The following DNTTIP2 variants were observed in gnomAD, a reference collection of about 807,000 sequenced individuals.
DNTTIP2 encodes deoxynucleotidyltransferase terminal interacting protein 2.
A neutral mutation model predicts 62.4 loss-of-function variants in DNTTIP2; 47 were observed. The ratio of observed to expected loss-of-function variants is 0.75; its 90% confidence interval spans 0.60 to 0.96. DNTTIP2 has a LOEUF of 0.96. Among genes scored for constraint, DNTTIP2 ranks in the 40% least tolerant of loss-of-function variants. The pLI is 0.00. For missense variants in DNTTIP2, 870 were observed against 849.1 expected, an observed-to-expected ratio of 1.02 and a Z score of -0.31; for synonymous variants, 322 against 300.9, an observed-to-expected ratio of 1.07 and a Z score of -0.73.
chr1:93,873,426 T>TA (rs576358369), intron 3 of DNTTIP2: 3,492 of 212,962 alleles, frequency 0.016, 1 homozygote, highest in South Asian at 0.037. Context: ...ACCCTGACTG[T>TA]AAAAAAAAAA....
At chr1:93,872,903 C>A (rs1229320681) in intron 4 of DNTTIP2, among the ~76,000 whole-genome samples, 1 of 151,740 alleles carries the variant, frequency 6.6e-6, no homozygotes, top group African/African-American at 2.4e-5. Context: ...TAAAAAACCT[C>A]TACTTATAGA....
rs148048634 is a variant in DNTTIP2, at chr1:93,866,705, A to C, written c.*3146T>G. ...CAAAAAAGACATTTTCCCAGGTTTC[A>C]GAAGAGGAATATTGGTGTTTCTCTA... On this transcript the variant is annotated 3_prime_UTR_variant, in exon 7 of 7. Transcript: ENST00000436063. 4 of 152,344 alleles carry C rather than the reference A, an allele frequency of 2.6e-5. No individual in the cohort carries two copies. The East Asian group carries it at 5.8e-4, about 22-fold the overall frequency. The allele number at this position is 152,344 out of a possible 1,614,324, so 9.4% of individuals were successfully genotyped here.
Position 93,872,146 on chromosome 1 carries a change from T to C in DNTTIP2, c.1993A>G (p.Lys665Glu), listed in dbSNP as rs200778406. Residue 665 changes from lysine (K) to glutamate (E), a missense_variant, in exon 5 of 7, where the codon AAG (lysine) becomes GAG (glutamate). Transcript: ENST00000436063. ...TTCGGGTCCATGCTGGCTCTCATCT[T>C]CAGTGCTTTGAGATCATTTTTCAGT... ...NELKNDLKAL[K>E]MRASMDPKRF... is the part of the protein sequence containing the mutation. 5.0e-6 allele frequency: 8 copies of C among 1,613,916 alleles called. No homozygotes were observed. In the East Asian group the frequency reaches 1.8e-4, roughly 36 times the overall value.
intron 1 of DNTTIP2, 122 bp downstream of exon 1, chr1:93,878,955 G>T: frequency 7.7e-7 from 1 of 1,306,660 alleles, no homozygotes; most frequent in Non-Finnish European, 1.0e-6. Flanking sequence ...ACCCAAGCGC[G>T]CGGCAAGCTC....
intron 5 of DNTTIP2, 23 bp downstream of exon 5, chr1:93,872,046 TCAC>T: frequency 6.2e-7 from 1 of 1,609,840 alleles, no homozygotes; most frequent in Non-Finnish European, 8.5e-7. Flanking sequence ...TCACAGATCA[TCAC>T]CACTATTCTG....
chr1:93,869,891 G>A lies in DNTTIP2; in HGVS notation c.2231C>T (p.Ala744Val), dbSNP rs773513981. 1.3e-6 allele frequency: 1 copy of A among 780,118 alleles called. No individual in the cohort carries two copies. The highest frequency in any genetic ancestry group is 2.4e-5 in the East Asian group (1 of 41,194). 48.3% of individuals were successfully genotyped at this position (780,118 alleles called of 1,614,324 possible). A position where few individuals can be genotyped will look rare whatever the true frequency, so the allele number is the denominator to read the frequency against. Residue 744 changes from alanine (A) to valine (V), a missense_variant, in exon 7 of 7, where the codon GCA becomes GTA. By Grantham distance (64) the Ala-to-Val change is moderately conservative. Transcript: ENST00000436063. ...CTTCTTCTTTCGGAACTTTTTTCCT[G>A]CTGCATTTGCTGCTTTTTCAGCCAT... ...EIMAEKAANA[A>V]GKKFRKKKKF...
At chr1:93,871,828 G>A (rs774186515) in intron 5 of DNTTIP2, among the ~76,000 whole-genome samples, 1 of 152,168 alleles carries the variant, frequency 6.6e-6, no homozygotes, top group Non-Finnish European at 1.5e-5. Context: ...AACTTTATAG[G>A]TTCAACAGGT....
chr1:93,876,639 G>A lies in DNTTIP2; in HGVS notation c.1296C>T (p.Asn432=). 1.2e-6 allele frequency: 2 copies of A among 1,613,984 alleles called. No individual in the cohort carries two copies. The highest frequency in any genetic ancestry group is 2.7e-5 in the African/African-American group (2 of 75,032). Residue 432 remains asparagine, a synonymous_variant, in exon 2 of 7, where the codon AAC becomes AAT. Transcript: ENST00000436063. ...CAGAATTATCTTTACCCTGAGATGT[G>A]TTGGGCGCAGACGTGTATAGTTTGG... ...CDTKLYTSAP[N]TSQGKDNSVL... is the part of the protein sequence containing the mutation.
At position 93,869,816 on chromosome 1, in the gene DNTTIP2, A is replaced by G. The variant is rs765933006; in HGVS notation, c.*35T>C. The G allele has an allele frequency of 1.3e-6, 1 of 773,524 alleles. No homozygotes were observed. Among genetic ancestry groups the G allele is most frequent in the Non-Finnish European group, 2.4e-6 (1 of 414,240 alleles). 47.9% of individuals were successfully genotyped at this position (773,524 alleles called of 1,614,324 possible). ...AACGTCTTTAATAAGTAAATAAAGG[A>G]GCAATGTAAAATGTTGCAGTTTGCT... On this transcript the variant is annotated 3_prime_UTR_variant, in exon 7 of 7. Transcript: ENST00000436063.
intron 3 of DNTTIP2, among the ~76,000 whole-genome samples, chr1:93,874,256 A>C (rs1257627722): frequency 6.6e-6 from 1 of 152,194 alleles, no homozygotes; most frequent in East Asian, 1.9e-4. Context: ...AATGCTACTG[A>C]CATCTAGTGG....
rs770387727 is a variant in DNTTIP2, at chr1:93,870,781, A to G, written c.2079T>C (p.Ile693=). The change falls in exon 6 of 7, where the codon ATT becomes ATC. Residue 693 remains isoleucine (I), a synonymous_variant. Transcript: ENST00000436063. The part of the protein sequence containing the change: ...GFPKYFQIGT[I]VDNPADFYHS... The stretch of plus-strand genomic sequence containing the variant: ...GGTAGAAATCAGCTGGATTGTCAAC[A>G]ATGGTTCCAATCTGTGAACAATTGA... 6.5e-7 allele frequency: 1 copy of G among 1,550,280 alleles called. No homozygotes were observed. The highest frequency in any genetic ancestry group is 1.2e-5 in the South Asian group (1 of 82,098).
Position 93,872,254 on chromosome 1 carries a change from A to G in DNTTIP2, c.1903-18T>C, listed in dbSNP as rs747634628. 8 of 1,611,290 alleles carry G rather than the reference A, an allele frequency of 5.0e-6. No homozygotes were observed. The highest frequency in any genetic ancestry group is 5.9e-6 in the Non-Finnish European group (7 of 1,178,700). On this transcript the variant is annotated intron_variant, in intron 4 of 6. Coordinates refer to ENST00000436063, the MANE Select transcript of DNTTIP2 (RefSeq NM_014597.5). ...CGTTCTTTCTGAAATTATGATTTCA[A>G]AAATAAACATTCTAACAGCTAAGAG...
chr1:93,873,049 G>T, intron 4 of DNTTIP2, 70 bp downstream of exon 4: 1 of 1,071,224 alleles, frequency 9.3e-7, no homozygotes, highest in Non-Finnish European at 1.4e-6. Flanking sequence ...TAATTGTGCA[G>T]TTATGTTGTA....
At chr1:93,875,835 CAT>C (rs1353951555) in intron 2 of DNTTIP2, 52 bp from the exon 3 acceptor site, 7 of 1,537,054 alleles carry the variant, frequency 4.6e-6, no homozygotes, top group Non-Finnish European at 6.1e-6. Context: ...AAAATGGAAA[CAT>C]ATAAGATGGC....
chr1:93,878,963 C>G lies in DNTTIP2; in HGVS notation c.72+114G>C, dbSNP rs1258712976. 4.3e-6 allele frequency: 6 copies of G among 1,386,578 alleles called. No homozygotes were observed. In the South Asian group the frequency reaches 8.5e-5, roughly 20 times the overall value. The allele number at this position is 1,386,578 out of a possible 1,614,324, so 85.9% of individuals were successfully genotyped here. ...CTGGGAGACCCAAGCGCGCGGCAAGCTCGGGTCCTCTCTGTCGGCAGGTCC... is the reference window on the plus strand; with the variant it reads ...CTGGGAGACCCAAGCGCGCGGCAAGGTCGGGTCCTCTCTGTCGGCAGGTCC... On this transcript the variant is annotated intron_variant, in intron 1 of 6. Transcript: ENST00000436063.
At chr1:93,874,642 T>C (rs1655952911) in intron 3 of DNTTIP2, among the ~76,000 whole-genome samples, 1 of 152,114 alleles carries the variant, frequency 6.6e-6, no homozygotes, top group Non-Finnish European at 1.5e-5. Flanking sequence ...TACTGTCACA[T>C]CTGTGTGTGT....
Position 93,876,000 on chromosome 1 carries a change from T to C in DNTTIP2, c.1668-217A>G, listed in dbSNP as rs565116200. On this transcript the variant is annotated intron_variant, in intron 2 of 6. Transcript: ENST00000436063. ...TATTTTTTGAGACAGGGTCTCACTG[T>C]TGGCCCAGGATGGAGTGCAGTAGTG... 1.9e-4 allele frequency among the ~76,000 whole-genome samples: 28 copies of C among 150,322 alleles called. 1 individual carries two copies. The East Asian group carries it at 5.1e-3, about 27-fold the overall frequency.
In DNTTIP2 at chr1:93,868,349, A is replaced by C. The variant is rs1655771346; in HGVS notation, c.*1502T>G. 1 of 152,198 alleles carries C rather than the reference A, an allele frequency of 6.6e-6. No individual in the cohort carries two copies. The highest frequency in any genetic ancestry group is 1.5e-5 in the Non-Finnish European group (1 of 68,046). The allele number at this position is 152,198 out of a possible 1,614,324, so 9.4% of individuals were successfully genotyped here. A position where few individuals can be genotyped will look rare whatever the true frequency, so the allele number is the denominator to read the frequency against. On this transcript the variant is annotated 3_prime_UTR_variant, in exon 7 of 7. Coordinates refer to ENST00000436063, the MANE Select transcript of DNTTIP2 (RefSeq NM_014597.5). Reference sequence around the variant, plus strand: ...AATCATTAAAAAGTCAGGAAACAACAGATGCTGGAGAGGATATGGAGAACT... The same window carrying C: ...AATCATTAAAAAGTCAGGAAACAACCGATGCTGGAGAGGATATGGAGAACT...
chr1:93,876,660 T>G lies in DNTTIP2; in HGVS notation c.1275A>C (p.Lys425Asn). 1.2e-6 allele frequency: 2 copies of G among 1,614,006 alleles called. No homozygotes were observed. The highest frequency in any genetic ancestry group is 1.7e-6 in the Non-Finnish European group (2 of 1,179,892). ...ATGTGTTGGGCGCAGACGTGTATAG[T>G]TTGGTATCACATTCAAAATCTACAT... is the stretch of plus-strand genomic sequence containing the variant. ...EGNVDFECDT[K>N]LYTSAPNTSQ... Residue 425 changes from lysine (K) to asparagine (N), a missense_variant, in exon 2 of 7, where the codon AAA becomes AAC. Coordinates refer to ENST00000436063, the MANE Select transcript of DNTTIP2 (RefSeq NM_014597.5).
Sources: gnomAD v4.1 joint callset for allele counts (sites outside exome capture counted in the v4.1 genomes callset) on GRCh38, gnomAD v4.1.1 for gene constraint, MANE v1.5 for transcripts, NCBI Gene and HGNC (gene_info 2026-07-23, HGNC 2026-07-21) for gene names.